Variants in TMEM116 observed in about 807,000 individuals in gnomAD.
TMEM116 encodes the protein transmembrane protein 116.
TMEM116 carries 38 observed loss-of-function variants against 44.3 expected under a neutral mutation model. That is an observed-to-expected ratio of 0.86 (90% CI 0.66 to 1.12). TMEM116 has a LOEUF of 1.12. TMEM116 is among the 50% of genes most tolerant of loss of function. The pLI is 0.00. For missense variants in TMEM116, 354 were observed against 401.7 expected (o/e 0.88, Z 1.01); for synonymous variants, 132 against 144.8 (o/e 0.91, Z 0.64).
At chr12:111,961,061 C>T (rs2136387007) in intron 4 of TMEM116, among the ~76,000 whole-genome samples, 1 of 152,264 alleles carries the variant, frequency 6.6e-6, no homozygotes, top group South Asian at 2.1e-4. Flanking sequence ...TGCAAATAAA[C>T]TAGAAAACCT....
At chr12:111,952,396 A>C (rs1264957139) in intron 4 of TMEM116, among the ~76,000 whole-genome samples, 1 of 152,208 alleles carries the variant, frequency 6.6e-6, no homozygotes, top group Non-Finnish European at 1.5e-5. Context: ...CATGGTGTGG[A>C]TAGATAAATT....
At position 111,931,711 on chromosome 12, in the gene TMEM116, T is replaced by A. The variant is rs752432882; in HGVS notation, c.924A>T (p.Leu308Phe). 8 of 1,613,974 alleles carry A rather than the reference T, an allele frequency of 5.0e-6. No individual in the cohort carries two copies. The Admixed American group carries it at 1.3e-4, about 27-fold the overall frequency. The change falls in exon 11 of 11, where the codon TTA becomes TTT. Residue 308 changes from leucine (L) to phenylalanine (F), a missense_variant. Leu to Phe is a conservative substitution (Grantham distance 22). Coordinates refer to ENST00000552374, the MANE Select transcript of TMEM116 (RefSeq NM_001193531.2). ...ARRDADTQTP[L>F]LCSQKRFYSR... ...TATAGAATCTCTTCTGTGAGCATAA[T>A]AATGGTGTCTGGGTATCTGCATCAC...
At chr12:111,950,136 C>T (rs1230891844) in intron 4 of TMEM116, among the ~76,000 whole-genome samples, 2 of 151,540 alleles carry the variant, frequency 1.3e-5, no homozygotes, top group African/African-American at 4.9e-5. Context: ...CAAAACAAAA[C>T]AAAACAAAAA....
intron 1 of TMEM116, among the ~76,000 whole-genome samples, chr12:112,010,114 A>C (rs2077770005): frequency 6.6e-6 from 1 of 152,114 alleles, no homozygotes; most frequent in Non-Finnish European, 1.5e-5. Context: ...ACTCCCTTCA[A>C]CCAAGCCAGT....
chr12:112,002,402 A>AG (rs2136705717), intron 3 of TMEM116, among the ~76,000 whole-genome samples: 1 of 151,310 alleles, frequency 6.6e-6, no homozygotes, highest in East Asian at 1.9e-4. Flanking sequence ...TCAAAAAAAA[A>AG]AAAAAAAAAA....
At chr12:111,983,563 C>T (rs1001415904) in intron 4 of TMEM116, among the ~76,000 whole-genome samples, 2 of 152,064 alleles carry the variant, frequency 1.3e-5, no homozygotes, top group Admixed American at 1.3e-4. Flanking sequence ...AACCACTGCA[C>T]TCCAGCCTGG....
chr12:111,999,916 T>C (rs1396313168), intron 3 of TMEM116, among the ~76,000 whole-genome samples: 1 of 152,196 alleles, frequency 6.6e-6, no homozygotes, highest in Non-Finnish European at 1.5e-5. Context: ...TGTAGTATAG[T>C]TTAATTGTGA....
intron 3 of TMEM116, among the ~76,000 whole-genome samples, chr12:111,998,755 A>G (rs2077062101): frequency 6.6e-6 from 1 of 152,178 alleles, no homozygotes; most frequent in South Asian, 2.1e-4. Flanking sequence ...CAGGAGATGG[A>G]GGTTGCAGTG....
At chr12:111,959,307 T>C (rs1232773309) in intron 4 of TMEM116, among the ~76,000 whole-genome samples, 1 of 152,200 alleles carries the variant, frequency 6.6e-6, no homozygotes, top group Non-Finnish European at 1.5e-5. Flanking sequence ...CTGAGAGATT[T>C]TGTCACCACC....
At chr12:111,942,281 G>GT (rs200319159) in intron 5 of TMEM116, among the ~76,000 whole-genome samples, 1 of 148,994 alleles carries the variant, frequency 6.7e-6, no homozygotes, top group Non-Finnish European at 1.5e-5. Flanking sequence ...GTTTTGTTTT[G>GT]TTTTTTTGAG....
At chr12:111,991,114 G>A (rs1245750704) in intron 4 of TMEM116, among the ~76,000 whole-genome samples, 1 of 150,890 alleles carries the variant, frequency 6.6e-6, no homozygotes, top group African/African-American at 2.4e-5. Context: ...AGCTACTCAG[G>A]AGGCTGAGGC....
intron 4 of TMEM116, among the ~76,000 whole-genome samples, chr12:111,977,885 A>G (rs1322848823): frequency 6.6e-6 from 1 of 152,098 alleles, no homozygotes; most frequent in African/African-American, 2.4e-5. Flanking sequence ...GGGAGTAACT[A>G]AAAACTATAC....
intron 4 of TMEM116, among the ~76,000 whole-genome samples, chr12:111,967,989 C>T (rs150566411): frequency 6.6e-6 from 1 of 152,070 alleles, no homozygotes; most frequent in East Asian, 1.9e-4. Context: ...CTTGTGAACT[C>T]CCTGCATTGA....
intron 4 of TMEM116, among the ~76,000 whole-genome samples, chr12:111,961,027 CAG>C (rs1239788049): frequency 2.0e-5 from 3 of 152,146 alleles, no homozygotes; most frequent in African/African-American, 7.2e-5. Flanking sequence ...AAACTACCAT[CAG>C]AGAATACTAT....
intron 4 of TMEM116, among the ~76,000 whole-genome samples, chr12:111,968,569 T>C (rs2075117132): frequency 6.6e-6 from 1 of 152,168 alleles, no homozygotes; most frequent in Admixed American, 6.5e-5. Context: ...CTAAGGAGAA[T>C]ACTAAATCAA....
chr12:111,994,105 T>G (rs1316988362), intron 3 of TMEM116, among the ~76,000 whole-genome samples: 1 of 152,202 alleles, frequency 6.6e-6, no homozygotes, highest in Non-Finnish European at 1.5e-5. Context: ...TTGATCAGTG[T>G]TGAAGAACGT....
chr12:112,003,992 A>T (rs1189574361), intron 2 of TMEM116, 129 bp from the exon 3 acceptor site: 4 of 1,302,316 alleles, frequency 3.1e-6, no homozygotes, highest in Middle Eastern at 2.7e-4. Context: ...CATTAAAAAA[A>T]TTTTTAGACA....
chr12:111,983,335 C>T lies in TMEM116; in HGVS notation c.210+8423G>A, dbSNP rs1159757381. On this transcript the variant is annotated intron_variant, in intron 4 of 10. Transcript: ENST00000552374. ...CCTGTAATCCCAGCCACTTGGGAGG[C>T]TGAGGCAGGAGAATCGCTTGAGCCT... Among the ~76,000 whole-genome samples, 4 of 152,012 alleles carry T rather than the reference C, an allele frequency of 2.6e-5. No individual in the cohort carries two copies. The East Asian group carries it at 5.8e-4, about 22-fold the overall frequency.
At chr12:111,967,606 C>T (rs2075053877) in intron 4 of TMEM116, among the ~76,000 whole-genome samples, 1 of 151,780 alleles carries the variant, frequency 6.6e-6, no homozygotes, top group Non-Finnish European at 1.5e-5. Context: ...ATTATCTGTC[C>T]CTGAGTTTTA....
Sources: allele counts gnomAD v4.1 joint callset (sites outside exome capture counted in the v4.1 genomes callset), GRCh38; gene constraint gnomAD v4.1.1; transcripts MANE v1.5; gene names NCBI Gene and HGNC (gene_info 2026-07-23, HGNC 2026-07-21).